FAAH2: variants seen among roughly 807,000 people sequenced by gnomAD.
FAAH2 encodes fatty acid amide hydrolase 2.
Under a neutral mutation model 36.9 loss-of-function variants are expected in FAAH2, and 60 were observed. The observed-to-expected ratio is 1.63, with a 90% CI of 1.32 to 2.02. The LOEUF is 2.02. Among genes scored for constraint, FAAH2 ranks in the 30% most tolerant of loss-of-function variants. The pLI, the probability that FAAH2 is intolerant of heterozygous loss-of-function variation, is 0.00. For missense variants in FAAH2, 689 were observed against 397.5 expected (o/e 1.73, Z -6.23); for synonymous variants, 214 against 143.8 (o/e 1.49, Z -3.49).
At chrX:57,423,381 T>C (rs1397867748) in intron 7 of FAAH2, among the ~76,000 whole-genome samples, 1 of 111,403 alleles carries the variant, frequency 9.0e-6, no homozygotes, top group African/African-American at 3.3e-5. Flanking sequence ...TTGGCAGGAC[T>C]AGACCAGCAT....
At chrX:57,438,510 A>C (rs2056467189) in intron 8 of FAAH2, among the ~76,000 whole-genome samples, 2 of 110,354 alleles carry the variant, frequency 1.8e-5, no homozygotes, top group South Asian at 7.6e-4. Context: ...ATACTGCTCT[A>C]AGCAATCTAC....
chrX:57,467,565 C>T (rs1004682476), intron 10 of FAAH2, among the ~76,000 whole-genome samples: 1 of 111,735 alleles, frequency 8.9e-6, no homozygotes, highest in African/African-American at 3.3e-5. Context: ...AGGTGCACAA[C>T]ATTGCTGAGG....
chrX:57,184,571 T>C, the FAAH2 span, among the ~76,000 whole-genome samples: 11 of 112,748 alleles, frequency 9.8e-5, no homozygotes, highest in East Asian at 3.1e-3. Flanking sequence ...CCCTGGACAA[T>C]TATATTCACA....
At chrX:57,254,879 G>A in the FAAH2 span, among the ~76,000 whole-genome samples, 2 of 110,821 alleles carry the variant, frequency 1.8e-5, no homozygotes, top group African/African-American at 6.6e-5. Context: ...AGAAGCAAAA[G>A]CAAACAAATT....
chrX:57,216,570 A>ACG, the FAAH2 span, among the ~76,000 whole-genome samples: 1,251 of 35,212 alleles, frequency 0.036, 109 homozygotes, highest in African/African-American at 0.17. Context: ...ATATACGTAT[A>ACG]TGTATATATA....
intron 3 of FAAH2, among the ~76,000 whole-genome samples, chrX:57,311,714 A>T (rs769383729): frequency 8.9e-6 from 1 of 112,245 alleles, no homozygotes; most frequent in Non-Finnish European, 1.9e-5. Context: ...CCCAGCATCC[A>T]TGCCTAGCTA....
the FAAH2 span, among the ~76,000 whole-genome samples, chrX:57,228,710 C>G: frequency 8.9e-6 from 1 of 111,832 alleles, no homozygotes; most frequent in African/African-American, 3.3e-5. Context: ...GACAGGATAT[C>G]AAACCAGGTT....
chrX:57,169,543 T>C, the FAAH2 span, among the ~76,000 whole-genome samples: 3 of 23,992 alleles, frequency 1.3e-4, no homozygotes, highest in Non-Finnish European at 1.8e-4. Context: ...TATATATATA[T>C]ATATATATAT....
chrX:57,141,661 A>G, the FAAH2 span, among the ~76,000 whole-genome samples: 1 of 111,631 alleles, frequency 9.0e-6, no homozygotes. Flanking sequence ...CAATCTTGGT[A>G]GGTTGTATGT....
chrX:57,388,969 A>G (rs1025680453), intron 7 of FAAH2, among the ~76,000 whole-genome samples: 1 of 109,815 alleles, frequency 9.1e-6, no homozygotes, highest in African/African-American at 3.3e-5. Context: ...TTTCATTTTA[A>G]GGATGTGCCA....
chrX:57,384,192 T>G (rs1213032396), intron 7 of FAAH2, among the ~76,000 whole-genome samples: 2 of 109,195 alleles, frequency 1.8e-5, no homozygotes, highest in Non-Finnish European at 3.8e-5. Context: ...ATTAAAGACT[T>G]AAATGTTAGA....
chrX:57,306,278 C>T (rs2052520818), intron 2 of FAAH2, among the ~76,000 whole-genome samples: 2 of 111,080 alleles, frequency 1.8e-5, no homozygotes, highest in Non-Finnish European at 3.8e-5. Flanking sequence ...GAGTGCTGGC[C>T]TTTACTCTAC....
At chrX:57,461,266 G>A (rs2056953976) in intron 10 of FAAH2, among the ~76,000 whole-genome samples, 2 of 111,364 alleles carry the variant, frequency 1.8e-5, no homozygotes, top group Non-Finnish European at 3.8e-5. Flanking sequence ...ATGTAGCAAG[G>A]ATATTCAGGA....
chrX:57,133,238 A>G, the FAAH2 span, among the ~76,000 whole-genome samples: 1 of 112,711 alleles, frequency 8.9e-6, no homozygotes. Context: ...CACTAAAATG[A>G]AACCTCCATG....
At chrX:57,143,859 AT>A in the FAAH2 span, among the ~76,000 whole-genome samples, 1 of 111,937 alleles carries the variant, frequency 8.9e-6, no homozygotes, top group Non-Finnish European at 1.9e-5. Flanking sequence ...GTACTATAAT[AT>A]TCCAAATTTA....
intron 3 of FAAH2, among the ~76,000 whole-genome samples, chrX:57,324,837 C>G (rs937026772): frequency 8.9e-5 from 10 of 111,923 alleles, no homozygotes; most frequent in African/African-American, 2.6e-4. Context: ...TTATTTCCTT[C>G]TCCTGCCTAA....
At chrX:57,284,119 G>A (rs953417935), upstream of FAAH2, among the ~76,000 whole-genome samples, 1 of 112,339 alleles carries the variant, frequency 8.9e-6, no homozygotes, top group South Asian at 3.7e-4. Context: ...TCCCAGGGAA[G>A]TGTGGAGCTG....
intron 5 of FAAH2, among the ~76,000 whole-genome samples, chrX:57,355,345 A>G (rs2054132910): frequency 9.0e-6 from 1 of 110,800 alleles, no homozygotes; most frequent in African/African-American, 3.3e-5. Flanking sequence ...TATTTTAGGG[A>G]ACAATGTGAA....
intron 8 of FAAH2, among the ~76,000 whole-genome samples, chrX:57,444,630 A>G (rs1268647973): frequency 9.0e-6 from 1 of 110,709 alleles, no homozygotes; most frequent in Non-Finnish European, 1.9e-5. Context: ...TAAACCTGGT[A>G]CCTCGGTTGG....
Sources: allele counts gnomAD v4.1 joint callset (sites outside exome capture counted in the v4.1 genomes callset), GRCh38; gene constraint gnomAD v4.1.1; transcripts MANE v1.5; gene names NCBI Gene and HGNC (gene_info 2026-07-23, HGNC 2026-07-21).